B3GALT1: variants seen among roughly 807,000 people sequenced by gnomAD.
The protein encoded by B3GALT1 is UDP-Gal:betaGlcNAc beta 1,3-galactosyltransferase, polypeptide 1.
B3GALT1 carries 10 observed loss-of-function variants against 23.2 expected under a neutral mutation model. That is an observed-to-expected ratio of 0.43 (90% CI 0.27 to 0.73). The LOEUF (loss-of-function observed/expected upper bound fraction) is 0.73. Ranked by LOEUF, B3GALT1 falls within the 30% of genes least tolerant of loss-of-function variation. The pLI is 0.21. For missense variants in B3GALT1, 299 were observed against 405.4 expected (o/e 0.74, Z 2.25); for synonymous variants, 156 against 141.5 (o/e 1.10, Z -0.73).
chr2:167,867,083 C>A (rs553657680), intron 4 of B3GALT1, among the ~76,000 whole-genome samples: 1 of 152,242 alleles, frequency 6.6e-6, no homozygotes, highest in Admixed American at 6.5e-5. Context: ...CCCGCCACTA[C>A]GCCTGGCTAA....
chr2:167,838,433 T>C (rs1049113156), intron 4 of B3GALT1, among the ~76,000 whole-genome samples: 49 of 152,368 alleles, frequency 3.2e-4, no homozygotes, highest in African/African-American at 1.1e-3. Flanking sequence ...CTAGCAGAAA[T>C]GGATAAATTC....
intron 4 of B3GALT1, among the ~76,000 whole-genome samples, chr2:167,834,918 G>C (rs896851694): frequency 1.3e-5 from 2 of 152,100 alleles, no homozygotes; most frequent in African/African-American, 4.8e-5. Flanking sequence ...GGAGAGGCCT[G>C]ACATTTTTAT....
intron 1 of B3GALT1, among the ~76,000 whole-genome samples, chr2:167,472,386 C>G (rs1452784026): frequency 6.6e-6 from 1 of 152,058 alleles, no homozygotes; most frequent in African/African-American, 2.4e-5. Context: ...GTGTATTAGA[C>G]CTTTCCAAAC....
At chr2:167,441,148 G>C (rs150859529) in intron 1 of B3GALT1, among the ~76,000 whole-genome samples, 145 of 152,286 alleles carry the variant, frequency 9.5e-4, no homozygotes, top group African/African-American at 3.3e-3. Context: ...ATGGACTCTA[G>C]CATTGCGTGC....
chr2:167,723,912 G>A (rs975506446), intron 3 of B3GALT1, among the ~76,000 whole-genome samples: 2 of 152,126 alleles, frequency 1.3e-5, no homozygotes, highest in Non-Finnish European at 2.9e-5. Flanking sequence ...ATAGTCATAA[G>A]TCTTTTTGCT....
intron 2 of B3GALT1, among the ~76,000 whole-genome samples, chr2:167,643,316 A>T (rs1028891063): frequency 3.3e-5 from 5 of 152,200 alleles, no homozygotes; most frequent in Non-Finnish European, 7.3e-5. Context: ...TGATCATGTT[A>T]TAAGTGGCAT....
At chr2:167,320,587 G>A (rs1054108035) in intron 1 of B3GALT1, among the ~76,000 whole-genome samples, 1 of 151,950 alleles carries the variant, frequency 6.6e-6, no homozygotes, top group African/African-American at 2.4e-5. Flanking sequence ...AAGAATAAAA[G>A]CCACTATTAC....
chr2:167,380,967 T>C (rs922760841), intron 1 of B3GALT1, among the ~76,000 whole-genome samples: 6 of 152,214 alleles, frequency 3.9e-5, no homozygotes, highest in African/African-American at 1.4e-4. Flanking sequence ...AGTTGATCTT[T>C]ATGTACTATC....
At chr2:167,439,230 TAGC>T (rs1235490235) in intron 1 of B3GALT1, among the ~76,000 whole-genome samples, 1 of 152,232 alleles carries the variant, frequency 6.6e-6, no homozygotes, top group Admixed American at 6.5e-5. Context: ...TCTTCTACAT[TAGC>T]AGATTTTGCT....
At chr2:167,812,178 C>T (rs1454457390) in intron 3 of B3GALT1, among the ~76,000 whole-genome samples, 1 of 152,186 alleles carries the variant, frequency 6.6e-6, no homozygotes, top group Non-Finnish European at 1.5e-5. Context: ...AAGCCATGTT[C>T]AAATTCCATG....
At chr2:167,841,432 G>T (rs900891891) in intron 4 of B3GALT1, among the ~76,000 whole-genome samples, 1 of 152,110 alleles carries the variant, frequency 6.6e-6, no homozygotes. Flanking sequence ...GCCTTTCTGT[G>T]CCTTTGGGCC....
chr2:167,667,596 C>T (rs968394743), intron 3 of B3GALT1, among the ~76,000 whole-genome samples: 8 of 152,308 alleles, frequency 5.3e-5, no homozygotes, highest in East Asian at 3.9e-4. Flanking sequence ...ACCAATCAGA[C>T]GTAGATTTGG....
chr2:167,371,717 A>G lies in B3GALT1; in HGVS notation c.-511+78383A>G, dbSNP rs1187837153. ...GGAAGATGGAAATTATGAATTCCCAAATTACACATATTCAAAAGTGGGGAA... is the reference window on the plus strand; with the variant it reads ...GGAAGATGGAAATTATGAATTCCCAGATTACACATATTCAAAAGTGGGGAA... On this transcript the variant is annotated intron_variant, in intron 1 of 4. Transcript: ENST00000392690. Among the ~76,000 whole-genome samples, 5 of 152,048 alleles carry G rather than the reference A, an allele frequency of 3.3e-5. No homozygotes were observed. The East Asian group carries it at 9.6e-4, about 29-fold the overall frequency.
chr2:167,542,261 C>G (rs1157345389), intron 2 of B3GALT1, among the ~76,000 whole-genome samples: 1 of 151,936 alleles, frequency 6.6e-6, no homozygotes, highest in Non-Finnish European at 1.5e-5. Flanking sequence ...AAATTTCAGT[C>G]AGTTGTATTC....
At chr2:167,570,418 C>A (rs1684270486) in intron 2 of B3GALT1, among the ~76,000 whole-genome samples, 1 of 151,802 alleles carries the variant, frequency 6.6e-6, no homozygotes, top group African/African-American at 2.4e-5. Context: ...TCACCTAGGT[C>A]ATCAAATTTG....
chr2:167,739,927 CAAAAAAACAAACA>C lies in B3GALT1; in HGVS notation c.-351-78737_-351-78725del, dbSNP rs1348513814. 1.6e-3 allele frequency among the ~76,000 whole-genome samples: 106 copies of C among 66,744 alleles called. 2 individuals carry two copies. The highest frequency in any genetic ancestry group is 5.0e-3 in the African/African-American group (100 of 20,042). 43.8% of individuals were successfully genotyped at this position (66,744 alleles called of 152,430 possible). A position where few individuals can be genotyped will look rare whatever the true frequency, so the allele number is the denominator to read the frequency against. On this transcript the variant is annotated intron_variant, in intron 3 of 4. Transcript: ENST00000392690. Reference sequence around the variant, plus strand: ...GCAACACAGTAAGAAGTTGTCTCTACAAAAAAACAAACAAAAAAAAAAAAATCTAGGCGTGGTG... The same window carrying C: ...GCAACACAGTAAGAAGTTGTCTCTACAAAAAAAAAAAATCTAGGCGTGGTG...
chr2:167,325,949 C>G (rs1696886091), intron 1 of B3GALT1, among the ~76,000 whole-genome samples: 1 of 151,906 alleles, frequency 6.6e-6, no homozygotes, highest in South Asian at 2.1e-4. Flanking sequence ...AGCTCCTGAC[C>G]TTGTGGTCCA....
chr2:167,515,611 T>A (rs1042399910), intron 2 of B3GALT1, among the ~76,000 whole-genome samples: 2 of 152,042 alleles, frequency 1.3e-5, no homozygotes, highest in African/African-American at 4.8e-5. Flanking sequence ...TAAAGCCACT[T>A]CCATTATTGT....
Position 167,439,913 on chromosome 2 carries a change from A to G in B3GALT1, c.-510-50264A>G, listed in dbSNP as rs572448981. 1.3e-3 allele frequency among the ~76,000 whole-genome samples: 195 copies of G among 150,386 alleles called. 1 individual carries two copies. The highest frequency in any genetic ancestry group is 4.4e-3 in the African/African-American group (174 of 39,952). On this transcript the variant is annotated intron_variant, in intron 1 of 4. Transcript: ENST00000392690. ...TCATGAATCCCTATGTAATAAAAGC[A>G]GGATACTTCACAGCTACATTATAAC...
Sources: gnomAD v4.1 joint callset for allele counts (sites outside exome capture counted in the v4.1 genomes callset) on GRCh38, gnomAD v4.1.1 for gene constraint, MANE v1.5 for transcripts, NCBI Gene and HGNC (gene_info 2026-07-23, HGNC 2026-07-21) for gene names.